RSAD2: variants seen among roughly 807,000 people sequenced by gnomAD.
RSAD2 encodes radical S-adenosyl methionine domain containing 2.
In RSAD2, 38 loss-of-function variants were observed where a neutral mutation model predicts 37.7. That is an observed-to-expected ratio of 1.01 (90% CI 0.78 to 1.32). The LOEUF (loss-of-function observed/expected upper bound fraction) is 1.32, where lower values mean the gene tolerates loss of function less well. Among genes scored for constraint, RSAD2 ranks in the 40% most tolerant of loss-of-function variants. The probability of loss-of-function intolerance (pLI) is 0.00; values close to 1 mark genes in which losing one functional copy is unlikely to be tolerated. For synonymous variants in RSAD2, 163 were observed against 157.4 expected (o/e 1.04, Z -0.27); for missense variants, 428 against 437.5 (o/e 0.98, Z 0.19).
upstream of RSAD2, among the ~76,000 whole-genome samples, chr2:6,875,983 A>AG (rs1558333139): frequency 6.6e-6 from 1 of 152,322 alleles, no homozygotes; most frequent in East Asian, 1.9e-4. Context: ...CCAGGCCATC[A>AG]GGGTGCAACA....
chr2:6,865,945 G>T (rs748517929), exon 1 of RSAD2: 3 of 1,303,840 alleles, frequency 2.3e-6, no homozygotes, highest in Non-Finnish European at 3.0e-6. Context: ...CAGACGCTTG[G>T]CCCCGGGGCC....
At chr2:6,884,049 T>C (rs962840322) in intron 2 of RSAD2, among the ~76,000 whole-genome samples, 3 of 152,250 alleles carry the variant, frequency 2.0e-5, no homozygotes, top group Non-Finnish European at 2.9e-5. Context: ...CATGTCCATA[T>C]AGCAGTTCTT....
intron 5 of RSAD2, among the ~76,000 whole-genome samples, chr2:6,894,157 T>C (rs1663691530): frequency 6.6e-6 from 1 of 152,182 alleles, no homozygotes; most frequent in Non-Finnish European, 1.5e-5. Flanking sequence ...TTGATAAACC[T>C]TGGCTTTCCT....
intron 3 of RSAD2, among the ~76,000 whole-genome samples, chr2:6,887,673 C>T (rs1286492834): frequency 6.6e-6 from 1 of 152,208 alleles, no homozygotes; most frequent in Non-Finnish European, 1.5e-5. Context: ...AAGCCAACTC[C>T]ACATATGCAG....
chr2:6,879,152 C>T (rs560119274), intron 1 of RSAD2: 9 of 438,580 alleles, frequency 2.1e-5, no homozygotes, highest in Middle Eastern at 3.8e-4. Context: ...CTTTGCTCCA[C>T]GTTACATTGG....
At chr2:6,887,230 T>C in intron 3 of RSAD2, 66 bp downstream of exon 3, 1 of 1,229,002 alleles carries the variant, frequency 8.1e-7, no homozygotes, top group Non-Finnish European at 1.2e-6. Flanking sequence ...CTTTTTTCAA[T>C]GAAACTGAAA....
intron 2 of RSAD2, among the ~76,000 whole-genome samples, chr2:6,886,720 A>G (rs749521536): frequency 2.9e-4 from 44 of 152,340 alleles, no homozygotes; most frequent in Non-Finnish European, 5.9e-4. Context: ...CAAATAATCA[A>G]CTAAGTATTT....
intron 2 of RSAD2, among the ~76,000 whole-genome samples, chr2:6,886,339 A>C (rs1488591458): frequency 1.1e-4 from 16 of 152,202 alleles, no homozygotes; most frequent in Admixed American, 1.0e-3. Flanking sequence ...ACCATGTTGC[A>C]AGGAGGGGTC....
chr2:6,881,709 G>T (rs1663406711), intron 1 of RSAD2, among the ~76,000 whole-genome samples: 1 of 150,822 alleles, frequency 6.6e-6, no homozygotes, highest in African/African-American at 2.4e-5. Flanking sequence ...CTTCTAGAAT[G>T]CAGACTGGCA....
At chr2:6,884,935 C>G (rs1663486030) in intron 2 of RSAD2, among the ~76,000 whole-genome samples, 1 of 152,050 alleles carries the variant, frequency 6.6e-6, no homozygotes, top group South Asian at 2.1e-4. Context: ...TTTATAGATG[C>G]CTATCTGGCC....
At position 6,896,869 on chromosome 2, in the gene RSAD2, G is replaced by A. The variant is rs1663786089; in HGVS notation, c.*927G>A. On this transcript the variant is annotated 3_prime_UTR_variant, in exon 6 of 6. Transcript: ENST00000382040. ...TTCGCCTATCATCTGGCCACATGAG[G>A]CTGTCAAGCAAAAGAATAGGAGTGT... is the stretch of plus-strand genomic sequence containing the variant. 1 of 151,916 alleles carries A rather than the reference G, an allele frequency of 6.6e-6. No individual in the cohort carries two copies. The highest frequency in any genetic ancestry group is 1.5e-5 in the Non-Finnish European group (1 of 68,008). The allele number at this position is 151,916 out of a possible 1,614,324, so 9.4% of individuals were successfully genotyped here. A position where few individuals can be genotyped will look rare whatever the true frequency, so the allele number is the denominator to read the frequency against.
chr2:6,883,404 C>T lies in RSAD2; in HGVS notation c.380C>T (p.Pro127Leu), dbSNP rs752344520. The change falls in exon 2 of 6, where the codon CCA becomes CTA. Residue 127 changes from proline to leucine, a missense_variant. By Grantham distance (98) the Pro-to-Leu change is moderately conservative. Coordinates refer to ENST00000382040, the MANE Select transcript of RSAD2 (RefSeq NM_080657.5). ...AAGATCAACTTTTCAGGTGGAGAGC[C>T]ATTTCTTCAAGACCGGGGAGAATAC... ...MEKINFSGGE[P>L]FLQDRGEYLG... The T allele has an allele frequency of 5.0e-6, 8 of 1,614,004 alleles. No homozygotes were observed. In the Admixed American group the frequency reaches 6.7e-5, roughly 13 times the overall value.
At chr2:6,866,656 G>A (rs1392020578) in intron 1 of RSAD2, 2 of 157,140 alleles carry the variant, frequency 1.3e-5, no homozygotes, top group Non-Finnish European at 1.4e-5. Context: ...CAGTGTTTGC[G>A]CAGTTATTTG....
intron 3 of RSAD2, among the ~76,000 whole-genome samples, chr2:6,888,750 C>T (rs2103246671): frequency 6.6e-6 from 1 of 152,262 alleles, no homozygotes; most frequent in Non-Finnish European, 1.5e-5. Context: ...TTTGGAAAAC[C>T]AGATTATTGA....
intron 5 of RSAD2, among the ~76,000 whole-genome samples, chr2:6,895,463 A>T (rs915295612): frequency 6.6e-6 from 1 of 152,190 alleles, no homozygotes; most frequent in African/African-American, 2.4e-5. Context: ...CATAATTCAG[A>T]TGTTAGCATT....
chr2:6,894,287 T>C (rs1337779705), intron 5 of RSAD2, among the ~76,000 whole-genome samples: 1 of 101,388 alleles, frequency 9.9e-6, no homozygotes, highest in Non-Finnish European at 2.3e-5. Flanking sequence ...CTTTCCCCTT[T>C]CCTCTGTCTT....
chr2:6,887,036 C>A lies in RSAD2; in HGVS notation c.610C>A (p.Leu204Ile). ...AGGAAAGAAGAACCATGTGGAAAACCTTCAAAAGCTGAGGAGGTGGTGTAG... is the reference window on the plus strand; with the variant it reads ...AGGAAAGAAGAACCATGTGGAAAACATTCAAAAGCTGAGGAGGTGGTGTAG... ...GQGKKNHVEN[L>I]QKLRRWCRDY... Residue 204 changes from leucine (L) to isoleucine (I), a missense_variant, in exon 3 of 6, where the codon CTT becomes ATT. Coordinates refer to ENST00000382040, the MANE Select transcript of RSAD2 (RefSeq NM_080657.5). 1 of 1,614,174 alleles carries A rather than the reference C, an allele frequency of 6.2e-7. No homozygotes were observed. Among genetic ancestry groups the A allele is most frequent in the Non-Finnish European group, 8.5e-7 (1 of 1,179,996 alleles).
At chr2:6,870,008 T>C (rs779432225) in intron 1 of RSAD2, among the ~76,000 whole-genome samples, 30 of 152,218 alleles carry the variant, frequency 2.0e-4, no homozygotes, top group Non-Finnish European at 3.7e-4. Flanking sequence ...ACAATCAGGA[T>C]GCAGCCATGT....
intron 4 of RSAD2, among the ~76,000 whole-genome samples, chr2:6,892,803 A>G (rs537903542): frequency 1.3e-5 from 2 of 152,328 alleles, no homozygotes; most frequent in African/African-American, 4.8e-5. Context: ...CCTTCCTAGG[A>G]GTTGGCAAAT....
Sources: allele counts gnomAD v4.1 joint callset (sites outside exome capture counted in the v4.1 genomes callset), GRCh38; gene constraint gnomAD v4.1.1; transcripts MANE v1.5; gene names NCBI Gene and HGNC (gene_info 2026-07-23, HGNC 2026-07-21).